DCC: variants seen among roughly 807,000 people sequenced by gnomAD.
DCC encodes the protein netrin receptor DCC.
DCC carries 58 observed loss-of-function variants against 172.5 expected under a neutral mutation model. The ratio of observed to expected loss-of-function variants is 0.34; its 90% confidence interval spans 0.27 to 0.42. The LOEUF (loss-of-function observed/expected upper bound fraction) is 0.42. Ranked by LOEUF, DCC falls within the 10% of genes least tolerant of loss-of-function variation. DCC has a pLI of 1.00. For synonymous variants in DCC, 709 were observed against 644.5 expected (o/e 1.10, Z -1.52); for missense variants, 1,740 against 1,791.0 (o/e 0.97, Z 0.51).
intron 5 of DCC, among the ~76,000 whole-genome samples, chr18:52,968,015 AGTT>A (rs1444155107): frequency 6.6e-6 from 1 of 152,182 alleles, no homozygotes; most frequent in Non-Finnish European, 1.5e-5. Context: ...CTCTCTTTGT[AGTT>A]GTTAGAGCCA....
intron 1 of DCC, among the ~76,000 whole-genome samples, chr18:52,591,786 T>TC: frequency 7.3e-6 from 1 of 137,478 alleles, no homozygotes; most frequent in African/African-American, 2.6e-5. Context: ...TTTATTTATT[T>TC]CTTTTTTTTT....
At chr18:53,147,235 T>G (rs2043929311) in intron 7 of DCC, among the ~76,000 whole-genome samples, 1 of 152,156 alleles carries the variant, frequency 6.6e-6, no homozygotes, top group Non-Finnish European at 1.5e-5. Flanking sequence ...GAGTGATGAC[T>G]CAGCTGTGGT....
intron 8 of DCC, among the ~76,000 whole-genome samples, chr18:53,164,432 A>G (rs1398790785): frequency 2.0e-5 from 3 of 152,142 alleles, no homozygotes; most frequent in Non-Finnish European, 2.9e-5. Flanking sequence ...TTTTATATAT[A>G]TAAAAAGAAC....
At chr18:53,239,993 A>G (rs1568385232) in intron 12 of DCC, among the ~76,000 whole-genome samples, 1 of 149,708 alleles carries the variant, frequency 6.7e-6, no homozygotes, top group Non-Finnish European at 1.5e-5. Context: ...ATATAAAAAA[A>G]CATTTAGACA....
chr18:52,598,470 T>G (rs1319741647), intron 1 of DCC, among the ~76,000 whole-genome samples: 2 of 152,180 alleles, frequency 1.3e-5, no homozygotes, highest in East Asian at 3.9e-4. Flanking sequence ...CAAGAATGCA[T>G]GGAGTCTCAG....
At chr18:53,352,431 T>G (rs954149146) in intron 15 of DCC, among the ~76,000 whole-genome samples, 9 of 152,140 alleles carry the variant, frequency 5.9e-5, no homozygotes, top group Non-Finnish European at 1.0e-4. Context: ...GTCTTGTTGA[T>G]GAATACTTTA....
intron 1 of DCC, among the ~76,000 whole-genome samples, chr18:52,644,397 T>C (rs563745489): frequency 2.1e-3 from 315 of 152,116 alleles, no homozygotes; most frequent in African/African-American, 7.2e-3. Context: ...GCTAACACGG[T>C]GAAACCCCGT....
intron 1 of DCC, among the ~76,000 whole-genome samples, chr18:52,678,113 A>G (rs760639567): frequency 6.6e-6 from 1 of 152,122 alleles, no homozygotes; most frequent in Non-Finnish European, 1.5e-5. Context: ...TCTTGACTAT[A>G]CTGATCAGCC....
intron 1 of DCC, among the ~76,000 whole-genome samples, chr18:52,462,694 A>C (rs539819744): frequency 8.4e-4 from 128 of 152,008 alleles, no homozygotes; most frequent in Non-Finnish European, 1.4e-3. Context: ...CTGTTTGTTT[A>C]TGTATTATTA....
At chr18:53,248,638 G>GC (rs1253807325) in intron 12 of DCC, among the ~76,000 whole-genome samples, 1 of 151,994 alleles carries the variant, frequency 6.6e-6, no homozygotes, top group Admixed American at 6.6e-5. Flanking sequence ...CCACACCTCT[G>GC]CAATTCCAGT....
intron 24 of DCC, among the ~76,000 whole-genome samples, chr18:53,467,052 T>A (rs1414255923): frequency 1.3e-5 from 2 of 152,112 alleles, no homozygotes; most frequent in Non-Finnish European, 2.9e-5. Flanking sequence ...GTACCCAAAA[T>A]AGTAAAACAT....
chr18:53,185,396 A>G (rs2055264741), intron 9 of DCC, among the ~76,000 whole-genome samples: 1 of 152,178 alleles, frequency 6.6e-6, no homozygotes, highest in South Asian at 2.1e-4. Context: ...ATTTTGTGCT[A>G]AGTTCTAGAA....
intron 22 of DCC, among the ~76,000 whole-genome samples, chr18:53,446,355 G>T (rs1683871472): frequency 6.6e-6 from 1 of 152,102 alleles, no homozygotes; most frequent in Admixed American, 6.6e-5. Context: ...GCCAGGGCTT[G>T]TGGTCACTGT....
chr18:52,692,317 G>T (rs2035940843), intron 1 of DCC, among the ~76,000 whole-genome samples: 1 of 152,044 alleles, frequency 6.6e-6, no homozygotes, highest in Non-Finnish European at 1.5e-5. Context: ...AACTTTAAGG[G>T]AAGCTTCCCA....
chr18:53,323,768 G>A (rs191700006), intron 14 of DCC, among the ~76,000 whole-genome samples: 17 of 152,220 alleles, frequency 1.1e-4, no homozygotes, highest in African/African-American at 4.1e-4. Context: ...GAGACCTGAA[G>A]GATGAATAAG....
chr18:52,996,709 T>C (rs1243627412), intron 5 of DCC, among the ~76,000 whole-genome samples: 1 of 151,534 alleles, frequency 6.6e-6, no homozygotes, highest in Non-Finnish European at 1.5e-5. Flanking sequence ...AAAAAATAAG[T>C]TCACCCCACC....
At chr18:53,226,511 A>G (rs1248939463) in intron 12 of DCC, among the ~76,000 whole-genome samples, 6 of 152,180 alleles carry the variant, frequency 3.9e-5, no homozygotes, top group Non-Finnish European at 8.8e-5. Context: ...AAGAGAGCAC[A>G]ACTGATACCT....
intron 1 of DCC, among the ~76,000 whole-genome samples, chr18:52,372,117 A>C (rs1985146023): frequency 6.6e-6 from 1 of 152,244 alleles, no homozygotes; most frequent in Non-Finnish European, 1.5e-5. Context: ...ATTGGGGTGA[A>C]CAATGCTTTA....
intron 5 of DCC, among the ~76,000 whole-genome samples, chr18:53,018,834 T>G (rs921617087): frequency 1.3e-5 from 2 of 152,190 alleles, no homozygotes; most frequent in African/African-American, 4.8e-5. Context: ...GCATTTGGAC[T>G]TTCCTACATA....
Sources: allele counts gnomAD v4.1 joint callset (sites outside exome capture counted in the v4.1 genomes callset), GRCh38; gene constraint gnomAD v4.1.1; transcripts MANE v1.5; gene names NCBI Gene and HGNC (gene_info 2026-07-23, HGNC 2026-07-21).